The following UGT1A10 variants were observed in gnomAD, a reference collection of about 807,000 sequenced individuals.
The protein encoded by UGT1A10 is UDP-glucuronosyltransferase 1A10.
In UGT1A10, 49 loss-of-function variants were observed where a neutral mutation model predicts 45.8. The ratio of observed to expected loss-of-function variants is 1.07; its 90% confidence interval spans 0.85 to 1.36. UGT1A10 has a LOEUF of 1.36. UGT1A10 is among the 40% of genes most tolerant of loss of function. The pLI is 0.00. For missense variants in UGT1A10, 745 were observed against 668.6 expected (o/e 1.11, Z -1.26); for synonymous variants, 284 against 249.7 (o/e 1.14, Z -1.29).
At chr2:233,733,854 T>G (rs1332608655) in intron 1 of UGT1A10, among the ~76,000 whole-genome samples, 12 of 152,088 alleles carry the variant, frequency 7.9e-5, no homozygotes, top group Admixed American at 7.9e-4. Flanking sequence ...CTTTTTCTAT[T>G]GATTGGAATA....
intron 1 of UGT1A10, chr2:233,719,017 A>G: frequency 6.2e-7 from 1 of 1,614,274 alleles, no homozygotes; most frequent in Non-Finnish European, 8.5e-7. Flanking sequence ...CCAGAGGTGA[A>G]TATGCACATC....
At chr2:233,689,995 A>G (rs1388228753) in intron 1 of UGT1A10, 3 of 450,056 alleles carry the variant, frequency 6.7e-6, no homozygotes, top group Non-Finnish European at 1.3e-5. Flanking sequence ...AGGGATTCTC[A>G]CTTCATCTCA....
intron 1 of UGT1A10, chr2:233,693,021 G>C: frequency 6.2e-7 from 1 of 1,614,090 alleles, no homozygotes; most frequent in South Asian, 1.1e-5. Flanking sequence ...TGCCTCCTTC[G>C]CTCATTTCAG....
intron 1 of UGT1A10, among the ~76,000 whole-genome samples, chr2:233,712,276 G>A (rs888653994): frequency 1.3e-5 from 2 of 152,222 alleles, no homozygotes; most frequent in Admixed American, 1.3e-4. Flanking sequence ...TTAGACAGCA[G>A]CACCTCTTCT....
chr2:233,672,846 G>A (rs1239594110), intron 1 of UGT1A10: 4 of 1,546,400 alleles, frequency 2.6e-6, no homozygotes, highest in East Asian at 4.5e-5. Context: ...AATTAAAAAA[G>A]GATTCTTTAC....
intron 1 of UGT1A10, among the ~76,000 whole-genome samples, chr2:233,657,881 A>T (rs7570783): frequency 0.022 from 3,315 of 152,180 alleles, 133 homozygotes; most frequent in African/African-American, 0.076. Flanking sequence ...AGTTATTTAT[A>T]TATTCTGGAT....
intron 1 of UGT1A10, among the ~76,000 whole-genome samples, chr2:233,764,630 G>T (rs2126011376): frequency 6.6e-6 from 1 of 152,148 alleles, no homozygotes; most frequent in Middle Eastern, 3.4e-3. Context: ...GAAGAGCAAA[G>T]GTCCTAGGAA....
At chr2:233,640,836 A>G (rs1319797018) in intron 1 of UGT1A10, among the ~76,000 whole-genome samples, 4 of 152,118 alleles carry the variant, frequency 2.6e-5, no homozygotes, top group African/African-American at 2.4e-5. Context: ...AAGATTTGTC[A>G]TTGTTGCTAT....
At chr2:233,754,746 A>G (rs1695573516) in intron 1 of UGT1A10, 1 of 757,186 alleles carries the variant, frequency 1.3e-6, no homozygotes, top group Non-Finnish European at 2.0e-6. Flanking sequence ...GGACATGCAG[A>G]AGGAAGAAAG....
intron 1 of UGT1A10, among the ~76,000 whole-genome samples, chr2:233,661,267 G>A (rs1423826322): frequency 6.6e-6 from 1 of 151,828 alleles, no homozygotes; most frequent in Non-Finnish European, 1.5e-5. Context: ...GGGCACAGAG[G>A]ACTTCCCATG....
chr2:233,736,583 G>C (rs1481937914), intron 1 of UGT1A10, among the ~76,000 whole-genome samples: 3 of 152,232 alleles, frequency 2.0e-5, no homozygotes, highest in Non-Finnish European at 4.4e-5. Context: ...CTTTGGAGGA[G>C]ATGTGCTTAT....
At chr2:233,761,243 G>A (rs1268898166) in intron 1 of UGT1A10, 4 of 1,611,300 alleles carry the variant, frequency 2.5e-6, no homozygotes, top group Non-Finnish European at 3.4e-6. Flanking sequence ...TGCTGAGCAA[G>A]CATTCTGAGA....
chr2:233,724,277 C>T (rs1162056701), intron 1 of UGT1A10, among the ~76,000 whole-genome samples: 28 of 115,674 alleles, frequency 2.4e-4, no homozygotes, highest in Admixed American at 3.4e-4. Flanking sequence ...GGCGGCTGGC[C>T]GGGCGGGGGG....
At chr2:233,746,611 C>A (rs1265902828) in intron 1 of UGT1A10, among the ~76,000 whole-genome samples, 1 of 151,736 alleles carries the variant, frequency 6.6e-6, no homozygotes. Context: ...GTTCACCTGA[C>A]CCCTCCTTTC....
chr2:233,639,487 G>A (rs1326064187), intron 1 of UGT1A10, among the ~76,000 whole-genome samples: 1 of 152,194 alleles, frequency 6.6e-6, no homozygotes, highest in East Asian at 1.9e-4. Flanking sequence ...ATGTGTCTGG[G>A]AAAAGCATGC....
chr2:233,658,036 T>G (rs1456211624), intron 1 of UGT1A10, among the ~76,000 whole-genome samples: 1 of 107,838 alleles, frequency 9.3e-6, no homozygotes, highest in Non-Finnish European at 2.1e-5. Context: ...TTTTTTTTTT[T>G]GAGACAAAGT....
intron 1 of UGT1A10, chr2:233,747,230 A>AGGTTCCCCT: frequency 6.2e-7 from 1 of 1,605,032 alleles, no homozygotes; most frequent in South Asian, 1.1e-5. Context: ...ACAGGACCCC[A>AGGTTCCCCT]GGTTCCCCTG....
chr2:233,755,298 C>A, intron 1 of UGT1A10: 1 of 620,154 alleles, frequency 1.6e-6, no homozygotes. Flanking sequence ...CTGCGGGGCA[C>A]TGGCACAGCG....
chr2:233,651,618 G>A (rs2073743657), intron 1 of UGT1A10, among the ~76,000 whole-genome samples: 2 of 152,180 alleles, frequency 1.3e-5, no homozygotes, highest in South Asian at 2.1e-4. Context: ...AAAGTGAACT[G>A]TCATTGAAAG....
Sources: allele counts gnomAD v4.1 joint callset (sites outside exome capture counted in the v4.1 genomes callset), GRCh38; gene constraint gnomAD v4.1.1; transcripts MANE v1.5; gene names NCBI Gene and HGNC (gene_info 2026-07-23, HGNC 2026-07-21).